Variants in ATOH1 observed in about 807,000 individuals in gnomAD.
The protein encoded by ATOH1 is atonal bHLH transcription factor 1, also known as transcription factor ATOH1.
A neutral mutation model predicts 20.7 loss-of-function variants in ATOH1; 9 were observed. The ratio of observed to expected loss-of-function variants is 0.44; its 90% CI spans 0.26 to 0.76. The LOEUF is 0.76. Among genes scored for constraint, ATOH1 ranks in the 30% least tolerant of loss-of-function variants. The pLI is 0.20. For synonymous variants in ATOH1, 247 were observed against 214.3 expected (o/e 1.15, Z -1.33); for missense variants, 516 against 479.3 (o/e 1.08, Z -0.71).
chr4:93,830,025 A>G lies in ATOH1; in HGVS notation c.*34A>G, dbSNP rs1290552404. ...CAGAAGCCTGAAAACTGAGACAGAA[A>G]CAAAACTGCCCTTTCCCAGTGCGCG... On this transcript the variant is annotated 3_prime_UTR_variant, in exon 1 of 1. Transcript: ENST00000306011. The G allele has an allele frequency of 1.3e-6, 2 of 1,538,236 alleles. No homozygotes were observed.
chr4:93,829,129 C>T lies in ATOH1; in HGVS notation c.203C>T (p.Thr68Ile). Residue 68 changes from threonine (T) to isoleucine (I), a missense_variant, in exon 1 of 1, where the codon ACT becomes ATT. Transcript: ENST00000306011. This position sits in a 1 kb window ranked among gnomAD's most constrained non-coding sequence, Gnocchi z 4.5. ...GACCCACGCGCCTGGCTGGCTCCCA[C>T]TTTGCAGGGCATCTGCACGGCACGC... ...STDPRAWLAP[T>I]LQGICTARAA... is the part of the protein sequence containing the mutation. 1 of 1,607,198 alleles carries T rather than the reference C, an allele frequency of 6.2e-7. No homozygotes were observed. The highest frequency in any genetic ancestry group is 8.5e-7 in the Non-Finnish European group (1 of 1,175,878).
rs973331204 is a variant in ATOH1, at chr4:93,830,539, A to T, written c.*548A>T. On this transcript the variant is annotated 3_prime_UTR_variant, in exon 1 of 1. Coordinates refer to ENST00000306011, the MANE Select transcript of ATOH1 (RefSeq NM_005172.2). ...GAAAACAAGAAACTTTAAGGTTTATATATTGTATAAACATACCCAGTATGT... is the reference window on the plus strand; with the variant it reads ...GAAAACAAGAAACTTTAAGGTTTATTTATTGTATAAACATACCCAGTATGT... 4 of 144,944 alleles carry T rather than the reference A, an allele frequency of 2.8e-5. No individual in the cohort carries two copies. Among genetic ancestry groups the T allele is most frequent in the Non-Finnish European group, 6.9e-5 (4 of 57,986 alleles). 9.0% of individuals were successfully genotyped at this position (144,944 alleles called of 1,614,324 possible).
Position 93,828,833 on chromosome 4 carries a change from C to A in ATOH1, c.-94C>A. On this transcript the variant is annotated 5_prime_UTR_variant, in exon 1 of 1. Coordinates refer to ENST00000306011, the MANE Select transcript of ATOH1 (RefSeq NM_005172.2). ...GTCGAGGAGGGAAAAAAAAATAAGACGTTGCAGAAGAGACCCGGAAAGGGC... is the reference window on the plus strand; with the variant it reads ...GTCGAGGAGGGAAAAAAAAATAAGAAGTTGCAGAAGAGACCCGGAAAGGGC... The A allele has an allele frequency of 7.4e-7, 1 of 1,355,944 alleles. No individual in the cohort carries two copies. The highest frequency in any genetic ancestry group is 9.8e-7 in the Non-Finnish European group (1 of 1,017,246). The allele number at this position is 1,355,944 out of a possible 1,614,324, so 84.0% of individuals were successfully genotyped here.
In ATOH1 at chr4:93,829,110, C is replaced by T. The variant is rs868023894; in HGVS notation, c.184C>T (p.Arg62Cys). 2.5e-6 allele frequency: 4 copies of T among 1,610,194 alleles called. No individual in the cohort carries two copies. The Middle Eastern group carries it at 6.6e-4, about 267-fold the overall frequency. ...GTCCCTCCTGGACAGCACCGACCCA[C>T]GCGCCTGGCTGGCTCCCACTTTGCA... ...ELSLLDSTDP[R>C]AWLAPTLQGI... The change falls in exon 1 of 1, where the codon CGC becomes TGC. Residue 62 changes from arginine to cysteine, a missense_variant. By Grantham distance (180) the Arg-to-Cys change is radical. Coordinates refer to ENST00000306011, the MANE Select transcript of ATOH1 (RefSeq NM_005172.2). The surrounding 1 kb of genome is among the most constrained non-coding windows in gnomAD (Gnocchi z 4.5).
Position 93,829,444 on chromosome 4 carries a change from A to G in ATOH1, c.518A>G (p.His173Arg), listed in dbSNP as rs373777032. ...AANARERRRM[H>R]GLNHAFDQLR... The stretch of plus-strand genomic sequence containing the variant: ...AACGCCAGGGAGCGGCGCAGGATGC[A>G]TGGGCTGAACCACGCCTTCGACCAG... The change falls in exon 1 of 1, where the codon CAT becomes CGT. Residue 173 changes from histidine (H) to arginine (R), a missense_variant. Coordinates refer to ENST00000306011, the MANE Select transcript of ATOH1 (RefSeq NM_005172.2). This position sits in a 1 kb window ranked among gnomAD's most constrained non-coding sequence, Gnocchi z 4.5. 51 of 1,614,132 alleles carry G rather than the reference A, an allele frequency of 3.2e-5. No individual in the cohort carries two copies. The highest frequency in any genetic ancestry group is 9.3e-6 in the Non-Finnish European group (11 of 1,180,050).
rs748643346 is a variant in ATOH1 at position 93,829,583 on chromosome 4, C to T, written c.657C>T (p.Ser219=). 1 of 1,613,992 alleles carries T rather than the reference C, an allele frequency of 6.2e-7. No homozygotes were observed. The highest frequency in any genetic ancestry group is 2.2e-5 in the East Asian group (1 of 44,854). The change falls in exon 1 of 1, where the codon AGC becomes AGT. Residue 219 remains serine (S), a synonymous_variant. Coordinates refer to ENST00000306011, the MANE Select transcript of ATOH1 (RefSeq NM_005172.2). This position sits in a 1 kb window ranked among gnomAD's most constrained non-coding sequence, Gnocchi z 4.5. Reference sequence around the variant, plus strand: ...TGTCCGAGCTGCTACAAACGCCCAGCGGAGGGGAACAGCCACCGCCGCCTC... The same window carrying T: ...TGTCCGAGCTGCTACAAACGCCCAGTGGAGGGGAACAGCCACCGCCGCCTC... ...NALSELLQTP[S]GGEQPPPPPA...
At position 93,830,629 on chromosome 4, in the gene ATOH1, G is replaced by C. The variant is rs1735425440; in HGVS notation, c.*638G>C. On this transcript the variant is annotated 3_prime_UTR_variant, in exon 1 of 1. Coordinates refer to ENST00000306011, the MANE Select transcript of ATOH1 (RefSeq NM_005172.2). ...CCGCGCACGCACTTTATCAGCCGCT[G>C]CTGCGGTGGTGGCTCCAGGAGAAAC... The C allele has an allele frequency of 6.0e-6, 1 of 166,700 alleles. No homozygotes were observed. Among genetic ancestry groups the C allele is most frequent in the Non-Finnish European group, 1.5e-5 (1 of 68,106 alleles). The allele number at this position is 166,700 out of a possible 1,614,324, so 10.3% of individuals were successfully genotyped here.
Position 93,828,869 on chromosome 4 carries a change from G to A in ATOH1, c.-58G>A, listed in dbSNP as rs760853536. ...AGACCCGGAAAGGGCCTTTTTTTTGGTTGAGCTGGTGTCCCAGTGCTGCCT... is the reference window on the plus strand; with the variant it reads ...AGACCCGGAAAGGGCCTTTTTTTTGATTGAGCTGGTGTCCCAGTGCTGCCT... On this transcript the variant is annotated 5_prime_UTR_variant, in exon 1 of 1. Coordinates refer to ENST00000306011, the MANE Select transcript of ATOH1 (RefSeq NM_005172.2). 122 of 1,492,748 alleles carry A rather than the reference G, an allele frequency of 8.2e-5. No individual in the cohort carries two copies. Among genetic ancestry groups the A allele is most frequent in the Non-Finnish European group, 1.0e-4 (115 of 1,121,256 alleles). 92.5% of individuals were successfully genotyped at this position (1,492,748 alleles called of 1,614,324 possible).
Position 93,829,334 on chromosome 4 carries a change from G to T in ATOH1, c.408G>T (p.Val136=), listed in dbSNP as rs369636991. Residue 136 remains valine, a synonymous_variant, in exon 1 of 1, where the codon GTG becomes GTT. Coordinates refer to ENST00000306011, the MANE Select transcript of ATOH1 (RefSeq NM_005172.2). The surrounding 1 kb of genome is among the most constrained non-coding windows in gnomAD (Gnocchi z 4.5). The part of the protein sequence containing the change: ...EQLCKLKGGV[V]VDELGCSRQR... ...TGTGCAAGCTGAAAGGCGGGGTGGT[G>T]GTAGACGAGCTGGGCTGCAGCCGCC... 3 of 1,613,910 alleles carry T rather than the reference G, an allele frequency of 1.9e-6. No homozygotes were observed. In the African/African-American group the frequency reaches 4.0e-5, roughly 22 times the overall value.
Position 93,830,115 on chromosome 4 carries a change from C to G in ATOH1, c.*124C>G. 7.0e-7 allele frequency: 1 copy of G among 1,432,828 alleles called. No individual in the cohort carries two copies. Among genetic ancestry groups the G allele is most frequent in the Non-Finnish European group, 9.1e-7 (1 of 1,094,480 alleles). 88.8% of individuals were successfully genotyped at this position (1,432,828 alleles called of 1,614,324 possible). On this transcript the variant is annotated 3_prime_UTR_variant, in exon 1 of 1. Transcript: ENST00000306011. ...TTGCTCTGCGATGGTCGTTGTTTAG[C>G]AACGACTTGGCTTCAGATGGCAGCT...
Position 93,830,144 on chromosome 4 carries a change from T to A in ATOH1, c.*153T>A. 7.1e-7 allele frequency: 1 copy of A among 1,400,200 alleles called. No individual in the cohort carries two copies. The highest frequency in any genetic ancestry group is 2.7e-5 in the East Asian group (1 of 37,670). 86.7% of individuals were successfully genotyped at this position (1,400,200 alleles called of 1,614,324 possible). A position where few individuals can be genotyped will look rare whatever the true frequency, so the allele number is the denominator to read the frequency against. The stretch of plus-strand genomic sequence containing the variant: ...GACTTGGCTTCAGATGGCAGCTACA[T>A]TTGATGGTTTGCAAATGCCGCCGCT... On this transcript the variant is annotated 3_prime_UTR_variant, in exon 1 of 1. Coordinates refer to ENST00000306011, the MANE Select transcript of ATOH1 (RefSeq NM_005172.2).
In ATOH1 at chr4:93,829,775, AG is replaced by A. The variant is rs1180249763; in HGVS notation, c.852del (p.Tyr285ThrfsTer18). 6.2e-7 allele frequency: 1 copy of A among 1,606,394 alleles called. No individual in the cohort carries two copies. The highest frequency in any genetic ancestry group is 8.5e-7 in the Non-Finnish European group (1 of 1,176,448). ...GCTTCTCAGCCCCAGCTTCTGCGGG[AG>A]GGTACTCGGTGCAGCTGGACGCTCT... ...TRFSAPASAG[G>X]YSVQLDALHF... On this transcript the variant is annotated frameshift_variant, in exon 1 of 1. Coordinates refer to ENST00000306011, the MANE Select transcript of ATOH1 (RefSeq NM_005172.2). LOFTEE classifies it high-confidence loss of function. This position sits in a 1 kb window ranked among gnomAD's most constrained non-coding sequence, Gnocchi z 4.5.
In ATOH1 at chr4:93,830,240, C is replaced by A; in HGVS notation, c.*249C>A. ...TTAAAATTGTGTCCTTTCCGCCCAC[C>A]TTCTGCTCCCCCTTTAGATAGATAC... On this transcript the variant is annotated 3_prime_UTR_variant, in exon 1 of 1. Coordinates refer to ENST00000306011, the MANE Select transcript of ATOH1 (RefSeq NM_005172.2). 3 of 671,516 alleles carry A rather than the reference C, an allele frequency of 4.5e-6. No individual in the cohort carries two copies. The highest frequency in any genetic ancestry group is 4.5e-6 in the Non-Finnish European group (2 of 442,776). The allele number at this position is 671,516 out of a possible 1,614,324, so 41.6% of individuals were successfully genotyped here.
Position 93,828,828 on chromosome 4 carries a change from T to A in ATOH1, c.-99T>A. 4 of 1,340,204 alleles carry A rather than the reference T, an allele frequency of 3.0e-6. No individual in the cohort carries two copies. Among genetic ancestry groups the A allele is most frequent in the Non-Finnish European group, 4.0e-6 (4 of 1,005,410 alleles). The allele number at this position is 1,340,204 out of a possible 1,614,324, so 83.0% of individuals were successfully genotyped here. On this transcript the variant is annotated 5_prime_UTR_variant, in exon 1 of 1. Coordinates refer to ENST00000306011, the MANE Select transcript of ATOH1 (RefSeq NM_005172.2). The stretch of plus-strand genomic sequence containing the variant: ...GGAGGGTCGAGGAGGGAAAAAAAAA[T>A]AAGACGTTGCAGAAGAGACCCGGAA...
rs368093381 is a variant in ATOH1, at chr4:93,829,138, G to A, written c.212G>A (p.Gly71Asp). Residue 71 changes from glycine (G) to aspartate (D), a missense_variant, in exon 1 of 1, where the codon GGC becomes GAC. By Grantham distance (94) the Gly-to-Asp change is moderately conservative. Transcript: ENST00000306011. The surrounding 1 kb of genome is among the most constrained non-coding windows in gnomAD (Gnocchi z 4.5). ...PRAWLAPTLQGICTARAAQYL... is the reference protein window; with the variant it reads ...PRAWLAPTLQDICTARAAQYL... ...GCCTGGCTGGCTCCCACTTTGCAGG[G>A]CATCTGCACGGCACGCGCCGCCCAG... 3 of 1,603,184 alleles carry A rather than the reference G, an allele frequency of 1.9e-6. No homozygotes were observed. The African/African-American group carries it at 4.0e-5, about 21-fold the overall frequency.
Position 93,829,787 on chromosome 4 carries a change from G to A in ATOH1, c.861G>A (p.Val287=). 1 of 1,612,086 alleles carries A rather than the reference G, an allele frequency of 6.2e-7. No individual in the cohort carries two copies. Among genetic ancestry groups the A allele is most frequent in the Non-Finnish European group, 8.5e-7 (1 of 1,179,098 alleles). The part of the protein sequence containing the change: ...SAPASAGGYS[V]QLDALHFSTF... ...CAGCTTCTGCGGGAGGGTACTCGGT[G>A]CAGCTGGACGCTCTGCACTTCTCGA... Residue 287 remains valine (V), a synonymous_variant, in exon 1 of 1, where the codon GTG becomes GTA. Coordinates refer to ENST00000306011, the MANE Select transcript of ATOH1 (RefSeq NM_005172.2). The surrounding 1 kb of genome is among the most constrained non-coding windows in gnomAD (Gnocchi z 4.5).
chr4:93,829,104 G>A lies in ATOH1; in HGVS notation c.178G>A (p.Asp60Asn). The A allele has an allele frequency of 6.2e-7, 1 of 1,610,876 alleles. No homozygotes were observed. ...PPELSLLDSTDPRAWLAPTLQ... is the reference protein window; with the variant it reads ...PPELSLLDSTNPRAWLAPTLQ... ...TGAGCTGTCCCTCCTGGACAGCACC[G>A]ACCCACGCGCCTGGCTGGCTCCCAC... Residue 60 changes from aspartate (D) to asparagine (N), a missense_variant, in exon 1 of 1, where the codon GAC (aspartate) becomes AAC (asparagine). Transcript: ENST00000306011. This position sits in a 1 kb window ranked among gnomAD's most constrained non-coding sequence, Gnocchi z 4.5.
rs777474577 is a variant in ATOH1, at chr4:93,829,539, C to A, written c.613C>A (p.Gln205Lys). 6.2e-7 allele frequency: 1 copy of A among 1,614,204 alleles called. No homozygotes were observed. Among genetic ancestry groups the A allele is most frequent in the African/African-American group, 1.3e-5 (1 of 75,060 alleles). Residue 205 changes from glutamine to lysine, a missense_variant, in exon 1 of 1, where the codon CAA becomes AAA. By Grantham distance (53) the Gln-to-Lys change is moderately conservative (BLOSUM62 1). Coordinates refer to ENST00000306011, the MANE Select transcript of ATOH1 (RefSeq NM_005172.2). This position sits in a 1 kb window ranked among gnomAD's most constrained non-coding sequence, Gnocchi z 4.5. The part of the protein sequence containing the change: ...LSKYETLQMA[Q>K]IYINALSELL... Reference sequence around the variant, plus strand: ...CAAATATGAGACCCTGCAGATGGCCCAAATCTACATCAACGCCTTGTCCGA... The same window carrying A: ...CAAATATGAGACCCTGCAGATGGCCAAAATCTACATCAACGCCTTGTCCGA...
Position 93,828,886 on chromosome 4 carries a change from G to C in ATOH1, c.-41G>C. On this transcript the variant is annotated 5_prime_UTR_variant, in exon 1 of 1. Coordinates refer to ENST00000306011, the MANE Select transcript of ATOH1 (RefSeq NM_005172.2). ...TTTTTTTGGTTGAGCTGGTGTCCCA[G>C]TGCTGCCTCCGATCCTGAGCCTCCG... is the stretch of plus-strand genomic sequence containing the variant. 1 of 1,529,874 alleles carries C rather than the reference G, an allele frequency of 6.5e-7. No homozygotes were observed. The highest frequency in any genetic ancestry group is 1.3e-5 in the South Asian group (1 of 77,444). The allele number at this position is 1,529,874 out of a possible 1,614,324, so 94.8% of individuals were successfully genotyped here. A position where few individuals can be genotyped will look rare whatever the true frequency, so the allele number is the denominator to read the frequency against.
Sources: gnomAD v4.1 joint callset for allele counts on GRCh38, gnomAD v4.1.1 for gene constraint, Gnocchi (gnomAD v3.1) non-coding constraint, MANE v1.5 for transcripts, NCBI Gene and HGNC (gene_info 2026-07-23, HGNC 2026-07-21) for gene names.